Variants in NLRC5 observed in about 807,000 individuals in gnomAD.
NLRC5 encodes NLR family CARD domain containing 5, also known as protein NLRC5.
Under a neutral mutation model 206.9 loss-of-function variants are expected in NLRC5, and 114 were observed. That is an observed-to-expected ratio of 0.55 (90% CI 0.47 to 0.64). The LOEUF (loss-of-function observed/expected upper bound fraction) is 0.64. Among genes scored for constraint, NLRC5 ranks in the 30% least tolerant of loss-of-function variants. The pLI is 0.00. For missense variants in NLRC5, 2,008 were observed against 2,305.5 expected, an observed-to-expected ratio of 0.87 and a Z score of 2.64; for synonymous variants, 952 against 962.8, an observed-to-expected ratio of 0.99 and a Z score of 0.21.
chr16:57,009,611 ACAT>A (rs2059288948), intron 1 of NLRC5, among the ~76,000 whole-genome samples: 1 of 152,164 alleles, frequency 6.6e-6, no homozygotes, highest in Admixed American at 6.5e-5. Context: ...AAATACAAGA[ACAT>A]ATTATATACA....
At chr16:57,043,468 G>A in intron 19 of NLRC5, 47 bp from the exon 20 acceptor site, 2 of 1,422,498 alleles carry the variant, frequency 1.4e-6, no homozygotes, top group South Asian at 1.1e-5. Context: ...AAGAGGATGT[G>A]TTTGGGTCCT....
intron 15 of NLRC5, among the ~76,000 whole-genome samples, chr16:57,038,123 T>C (rs1171636295): frequency 1.3e-5 from 2 of 151,614 alleles, no homozygotes; most frequent in East Asian, 1.9e-4. Context: ...AAAAAGAAAA[T>C]AGCTGGAATG....
Position 57,062,120 on chromosome 16 carries a change from CT to C in NLRC5, c.4154+426del, listed in dbSNP as rs529559592. The C allele has an allele frequency of 1.1e-4, 118 of 1,041,704 alleles. No individual in the cohort carries two copies. In the African/African-American group the frequency reaches 1.4e-3, roughly 13 times the overall value. The allele number at this position is 1,041,704 out of a possible 1,614,324, so 64.5% of individuals were successfully genotyped here. ...AACCTAGGTTTGACAGTTGTTCATA[CT>C]TTTTTTATATTTGCTTCTATTTTTA... On this transcript the variant is annotated intron_variant, in intron 32 of 48. Transcript: ENST00000688547.
At chr16:57,061,759 G>A in intron 32 of NLRC5, 58 bp downstream of exon 32, 5 of 1,575,800 alleles carry the variant, frequency 3.2e-6, no homozygotes, top group Non-Finnish European at 4.3e-6. Flanking sequence ...AGCAGGGGTG[G>A]GCACTGGAGT....
At chr16:57,035,304 T>C (rs2062410077) in intron 13 of NLRC5, among the ~76,000 whole-genome samples, 1 of 152,132 alleles carries the variant, frequency 6.6e-6, no homozygotes, top group Non-Finnish European at 1.5e-5. Flanking sequence ...CCTTGCTGGC[T>C]TCCCTGCTTT....
Position 57,037,619 on chromosome 16 carries a change from G to A in NLRC5, c.2801+335G>A, listed in dbSNP as rs150774979. ...TCTCCAGTGGGACAAAGCTCCCTGG[G>A]AGACTAGGCCAAGGACTTGCTCCGT... On this transcript the variant is annotated intron_variant, in intron 15 of 48. Coordinates refer to ENST00000688547, the MANE Select transcript of NLRC5 (RefSeq NM_001384950.1). 2.0e-4 allele frequency among the ~76,000 whole-genome samples: 30 copies of A among 152,272 alleles called. 1 individual carries two copies. The highest frequency in any genetic ancestry group is 6.3e-4 in the African/African-American group (26 of 41,544).
intron 30 of NLRC5, among the ~76,000 whole-genome samples, chr16:57,060,429 C>T (rs1197543096): frequency 1.3e-5 from 2 of 151,674 alleles, no homozygotes; most frequent in African/African-American, 4.8e-5. Flanking sequence ...AAACACACCA[C>T]ACAGCACGCA....
In NLRC5 at chr16:57,028,097, G is replaced by A. The variant is rs756124181; in HGVS notation, c.2101G>A (p.Ala701Thr). 12 of 1,613,600 alleles carry A rather than the reference G, an allele frequency of 7.4e-6. No homozygotes were observed. The Admixed American group carries it at 8.3e-5, about 11-fold the overall frequency. The change falls in exon 7 of 49, where the codon GCC becomes ACC. Residue 701 changes from alanine to threonine, a missense_variant. Transcript: ENST00000688547. ...CTTTAAGAGCAGGAAGTGTGGGGAT[G>A]CCTTTGCAGAAGCCCTCTCCAGGAG... ...LSFKSRKCGD[A>T]FAEALSRSLP...
intron 46 of NLRC5, 105 bp from the exon 47 acceptor site, chr16:57,080,993 C>A: frequency 1.0e-6 from 1 of 999,448 alleles, no homozygotes; most frequent in Non-Finnish European, 1.5e-6. Context: ...TCTTGAAAAC[C>A]CTTGCCCCCA....
At chr16:57,076,332 G>A (rs2068393598) in intron 39 of NLRC5, among the ~76,000 whole-genome samples, 1 of 152,260 alleles carries the variant, frequency 6.6e-6, no homozygotes, top group African/African-American at 2.4e-5. Flanking sequence ...CCCAGGCAGA[G>A]CAAGGTCAGG....
In NLRC5 at chr16:57,079,470, G is replaced by A. The variant is rs1292745499; in HGVS notation, c.5238-76G>A. On this transcript the variant is annotated intron_variant, in intron 45 of 48. Transcript: ENST00000688547. Reference sequence around the variant, plus strand: ...GCCTAGCTTACCCCAGACCCTGGTGGCTCTGGAGGCAGGACCTGCTAGATC... The same window carrying A: ...GCCTAGCTTACCCCAGACCCTGGTGACTCTGGAGGCAGGACCTGCTAGATC... 41 of 1,421,394 alleles carry A rather than the reference G, an allele frequency of 2.9e-5. No individual in the cohort carries two copies. In the South Asian group the frequency reaches 4.4e-4, roughly 15 times the overall value. The allele number at this position is 1,421,394 out of a possible 1,614,324, so 88.0% of individuals were successfully genotyped here. A position where few individuals can be genotyped will look rare whatever the true frequency, so the allele number is the denominator to read the frequency against.
chr16:57,024,253 C>G (rs2061012736), intron 5 of NLRC5, among the ~76,000 whole-genome samples: 1 of 152,068 alleles, frequency 6.6e-6, no homozygotes, highest in African/African-American at 2.4e-5. Flanking sequence ...ACCTTCAAGA[C>G]AGAGGCCCTG....
In NLRC5 at chr16:57,018,818, C is replaced by A. The variant is rs13335668; in HGVS notation, c.-13+1630C>A. On this transcript the variant is annotated intron_variant, in intron 2 of 48. Coordinates refer to ENST00000688547, the MANE Select transcript of NLRC5 (RefSeq NM_001384950.1). ...AGGAAGGACATAGTACCAGAAAGTA[C>A]ATCCGGAAATGTGATAGCATAGTCC... 2.2e-4 allele frequency among the ~76,000 whole-genome samples: 33 copies of A among 152,236 alleles called. No homozygotes were observed. The East Asian group carries it at 6.2e-3, about 28-fold the overall frequency.
At chr16:57,037,144 G>A in intron 14 of NLRC5, 51 bp from the exon 15 acceptor site, 1 of 1,491,764 alleles carries the variant, frequency 6.7e-7, no homozygotes. Flanking sequence ...GCTGGCTGGG[G>A]CTGGGTACCT....
chr16:57,074,935 C>G (rs1438272869), intron 39 of NLRC5, among the ~76,000 whole-genome samples: 2 of 149,998 alleles, frequency 1.3e-5, no homozygotes, highest in Non-Finnish European at 3.0e-5. Flanking sequence ...GGCACACACA[C>G]AGTTCACCCT....
At chr16:57,039,928 G>A in intron 16 of NLRC5, 79 bp downstream of exon 16, 1 of 1,224,448 alleles carries the variant, frequency 8.2e-7, no homozygotes, top group Non-Finnish European at 1.2e-6. Context: ...GGCAGTGCCA[G>A]TCAGTCAACT....
At chr16:57,041,610 G>A (rs1395218235) in intron 18 of NLRC5, 36 bp downstream of exon 18, 1 of 1,550,920 alleles carries the variant, frequency 6.4e-7, no homozygotes, top group Non-Finnish European at 8.9e-7. Flanking sequence ...GGGTGGGTGG[G>A]GCCAATTACA....
intron 24 of NLRC5, among the ~76,000 whole-genome samples, chr16:57,051,999 T>A (rs2064980834): frequency 6.6e-6 from 1 of 152,118 alleles, no homozygotes; most frequent in Non-Finnish European, 1.5e-5. Flanking sequence ...GCTGTCCAAC[T>A]TCTCCCCACC....
Position 57,025,847 on chromosome 16 carries a change from G to C in NLRC5, c.904G>C (p.Val302Leu). The part of the protein sequence containing the change: ...FQYLEKNADQ[V>L]LLIFDGLDEA... ...GTACCTGGAGAAGAACGCTGACCAA[G>C]TCCTGCTGATCTTTGATGGGCTAGA... Residue 302 changes from valine (V) to leucine (L), a missense_variant, in exon 6 of 49, where the codon GTC (valine) becomes CTC (leucine). By Grantham distance (32) the Val-to-Leu change is conservative. Coordinates refer to ENST00000688547, the MANE Select transcript of NLRC5 (RefSeq NM_001384950.1). 1 of 1,614,234 alleles carries C rather than the reference G, an allele frequency of 6.2e-7. No individual in the cohort carries two copies. The highest frequency in any genetic ancestry group is 8.5e-7 in the Non-Finnish European group (1 of 1,180,040).
Sources: gnomAD v4.1 joint callset for allele counts (sites outside exome capture counted in the v4.1 genomes callset) on GRCh38, gnomAD v4.1.1 for gene constraint, MANE v1.5 for transcripts, NCBI Gene and HGNC (gene_info 2026-07-23, HGNC 2026-07-21) for gene names.